Variants in CEP44 observed in about 807,000 individuals in gnomAD.
CEP44 encodes centrosomal protein 44.
In CEP44, 45 loss-of-function variants were observed where a neutral mutation model predicts 46.7. The ratio of observed to expected loss-of-function variants is 0.96; its 90% CI spans 0.76 to 1.24. CEP44 has a LOEUF of 1.24. Among genes scored for constraint, CEP44 ranks in the 50% most tolerant of loss-of-function variants. CEP44 has a pLI of 0.00. For synonymous variants in CEP44, 142 were observed against 146.0 expected (o/e 0.97, Z 0.20); for missense variants, 475 against 459.7 (o/e 1.03, Z -0.30).
At chr4:174,321,829 C>CT (rs1326703756), downstream of CEP44, among the ~76,000 whole-genome samples, 2 of 152,080 alleles carry the variant, frequency 1.3e-5, no homozygotes, top group Admixed American at 1.3e-4. Context: ...AAAAAAGCAT[C>CT]TTAAGTTTAA....
chr4:174,319,807 T>G lies in CEP44; in HGVS notation c.*2424T>G. ...CTAGACAACATAATTTTTGGAAAAA[T>G]AAAGCAAATTCAACTTTATTGGAGT... On this transcript the variant is annotated 3_prime_UTR_variant, in exon 12 of 12. Transcript: ENST00000503780. 1.0e-6 allele frequency: 1 copy of G among 978,776 alleles called. No individual in the cohort carries two copies. Among genetic ancestry groups the G allele is most frequent in the Non-Finnish European group, 1.2e-6 (1 of 823,830 alleles). 60.6% of individuals were successfully genotyped at this position (978,776 alleles called of 1,614,324 possible). A position where few individuals can be genotyped will look rare whatever the true frequency, so the allele number is the denominator to read the frequency against.
intron 8 of CEP44, among the ~76,000 whole-genome samples, chr4:174,330,488 CAAA>C (rs199858781): frequency 1.3e-5 from 1 of 75,050 alleles, no homozygotes. Context: ...GACTTCGTCT[CAAA>C]AAAAAAAAAA....
In CEP44 at chr4:174,304,169, T is replaced by C; in HGVS notation, c.385-78T>C. On this transcript the variant is annotated intron_variant, in intron 5 of 11. Coordinates refer to ENST00000503780, the MANE Select transcript of CEP44 (RefSeq NM_001040157.3). ...CAGCTATATTTCATATATGAAAATT[T>C]AAATGTTAATGGAATTTTAATATAT... is the stretch of plus-strand genomic sequence containing the variant. The C allele has an allele frequency of 2.1e-6, 3 of 1,432,374 alleles. 1 individual carries two copies. In the South Asian group the frequency reaches 4.3e-5, roughly 20 times the overall value. 88.7% of individuals were successfully genotyped at this position (1,432,374 alleles called of 1,614,324 possible).
intron 6 of CEP44, 70 bp downstream of exon 6, chr4:174,304,439 T>TG (rs1740147958): frequency 6.5e-7 from 1 of 1,549,968 alleles, no homozygotes; most frequent in South Asian, 1.3e-5. Flanking sequence ...CAGTTTTCAC[T>TG]TTTCTGATTG....
At chr4:174,295,344 A>T (rs550110354) in intron 1 of CEP44, among the ~76,000 whole-genome samples, 2 of 142,844 alleles carry the variant, frequency 1.4e-5, no homozygotes, top group Non-Finnish European at 3.1e-5. Context: ...CTCACATCCC[A>T]GACGGGGCGG....
At position 174,314,112 on chromosome 4, in the gene CEP44, TAGA is replaced by T. The variant is rs1052609908; in HGVS notation, c.962-2050_962-2048del. Among the ~76,000 whole-genome samples the T allele has an allele frequency of 9.2e-5, 14 of 152,120 alleles. No homozygotes were observed. The highest frequency in any genetic ancestry group is 3.4e-4 in the African/African-American group (14 of 41,436). ...TAGTTGTTACGTGGTAAGAGTTGGG[TAGA>T]AGATTTCATGTCCCATACCCCCATA... On this transcript the variant is annotated intron_variant, in intron 9 of 11. Coordinates refer to ENST00000503780, the MANE Select transcript of CEP44 (RefSeq NM_001040157.3). This position sits in a 1 kb window ranked among gnomAD's most constrained non-coding sequence, Gnocchi z 4.1.
chr4:174,327,548 T>G (rs1742761922), intron 8 of CEP44, among the ~76,000 whole-genome samples: 1 of 152,110 alleles, frequency 6.6e-6, no homozygotes, highest in Non-Finnish European at 1.5e-5. Context: ...AATTATTTCC[T>G]AATTGTAGCA....
At chr4:174,299,665 A>C (rs1233499563) in intron 3 of CEP44, among the ~76,000 whole-genome samples, 1 of 152,052 alleles carries the variant, frequency 6.6e-6, no homozygotes. Flanking sequence ...ATTTAAGTCG[A>C]GTGTTCTTTT....
At chr4:174,299,327 C>A in intron 3 of CEP44, 117 bp downstream of exon 3, 1 of 688,544 alleles carries the variant, frequency 1.5e-6, no homozygotes, top group Non-Finnish European at 2.3e-6. Context: ...TTAAATCTGC[C>A]TTGAAATGAT....
At chr4:174,289,295 C>CTTTT in intron 1 of CEP44, among the ~76,000 whole-genome samples, 1 of 128,782 alleles carries the variant, frequency 7.8e-6, no homozygotes, top group Non-Finnish European at 1.7e-5. Flanking sequence ...GTTCCCTCTT[C>CTTTT]TTTTTTTTTT....
rs897499543 is a variant in CEP44 at position 174,297,676 on chromosome 4, G to A, written c.-147-290G>A. 6.6e-6 allele frequency among the ~76,000 whole-genome samples: 1 copy of A among 151,208 alleles called. No homozygotes were observed. The highest frequency in any genetic ancestry group is 1.5e-5 in the Non-Finnish European group (1 of 67,818). On this transcript the variant is annotated intron_variant, in intron 1 of 11. Coordinates refer to ENST00000503780, the MANE Select transcript of CEP44 (RefSeq NM_001040157.3). This position sits in a 1 kb window ranked among gnomAD's most constrained non-coding sequence, Gnocchi z 4.3. ...AGTGTGTGTGTGTGTGTGTGTGTGT[G>A]TGTGTGTGTTTTCATTAATACTTCT...
chr4:174,285,484 A>G (rs1377737902), intron 1 of CEP44: 1 of 152,158 alleles, frequency 6.6e-6, no homozygotes, highest in Non-Finnish European at 1.5e-5. Context: ...CTGAAGAGAG[A>G]CATAACTTTG....
At chr4:174,300,518 C>A (rs1180686670) in intron 3 of CEP44, among the ~76,000 whole-genome samples, 1 of 152,022 alleles carries the variant, frequency 6.6e-6, no homozygotes, top group African/African-American at 2.4e-5. Context: ...CCAGTATTAT[C>A]TTGTTTTCTA....
In CEP44 at chr4:174,318,468, G is replaced by A. The variant is rs1216631458; in HGVS notation, c.*1085G>A. On this transcript the variant is annotated 3_prime_UTR_variant, in exon 12 of 12. Coordinates refer to ENST00000503780, the MANE Select transcript of CEP44 (RefSeq NM_001040157.3). ...TTGGAGAGAAAAGTCTTAGCTGAAGGTAAATCAATGGAAAAATGAAATTTA... is the reference window on the plus strand; with the variant it reads ...TTGGAGAGAAAAGTCTTAGCTGAAGATAAATCAATGGAAAAATGAAATTTA... 1.0e-6 allele frequency: 1 copy of A among 963,112 alleles called. No homozygotes were observed. Among genetic ancestry groups the A allele is most frequent in the East Asian group, 1.1e-4 (1 of 8,722 alleles). The allele number at this position is 963,112 out of a possible 1,614,324, so 59.7% of individuals were successfully genotyped here.
downstream of CEP44, among the ~76,000 whole-genome samples, chr4:174,324,807 A>G (rs184929534): frequency 1.3e-5 from 2 of 152,230 alleles, no homozygotes; most frequent in Admixed American, 6.5e-5. Flanking sequence ...GAAACCAATC[A>G]TATATTCCTG....
At chr4:174,284,182 C>T (rs2126463404) in intron 1 of CEP44, 1 of 397,732 alleles carries the variant, frequency 2.5e-6, no homozygotes, top group Non-Finnish European at 4.4e-6. Context: ...TGGTATTGGG[C>T]GGAGGTCGCC....
At chr4:174,296,763 A>AT (rs202212472) in intron 1 of CEP44, among the ~76,000 whole-genome samples, 32,728 of 90,356 alleles carry the variant, frequency 0.36, 7,826 homozygotes, top group African/African-American at 0.56. Context: ...GTCCTTACTG[A>AT]TTTTTTTTTT....
In CEP44 at chr4:174,325,747, T is replaced by G. The variant is rs989850284; in HGVS notation, c.1087-5735T>G. On this transcript the variant is annotated intron_variant, in intron 8 of 8. Coordinates refer to the CEP44 transcript ENST00000426172. The surrounding 1 kb of genome is among the most constrained non-coding windows in gnomAD (Gnocchi z 4.4). ...TATTTTTTCTTTCAGTTCTATCATG[T>G]ATTTTTAAACCTGTTTTTAAATGCA... is the stretch of plus-strand genomic sequence containing the variant. Among the ~76,000 whole-genome samples, 3 of 152,214 alleles carry G rather than the reference T, an allele frequency of 2.0e-5. No individual in the cohort carries two copies. Among genetic ancestry groups the G allele is most frequent in the African/African-American group, 7.2e-5 (3 of 41,460 alleles).
In CEP44 at chr4:174,297,585, T is replaced by C. The variant is rs1277301423; in HGVS notation, c.-147-381T>C. On this transcript the variant is annotated intron_variant, in intron 1 of 11. Coordinates refer to ENST00000503780, the MANE Select transcript of CEP44 (RefSeq NM_001040157.3). The surrounding 1 kb of genome is among the most constrained non-coding windows in gnomAD (Gnocchi z 4.3). ...CCTTCTCTAGCATAGAACCTGATAG[T>C]CTGCTGTCACAGAGGATGTAAGTCT... 6.6e-6 allele frequency among the ~76,000 whole-genome samples: 1 copy of C among 152,136 alleles called. No homozygotes were observed. Among genetic ancestry groups the C allele is most frequent in the Non-Finnish European group, 1.5e-5 (1 of 68,010 alleles).
Sources: allele counts gnomAD v4.1 joint callset (sites outside exome capture counted in the v4.1 genomes callset), GRCh38; gene constraint gnomAD v4.1.1; non-coding constraint Gnocchi (gnomAD v3.1); transcripts MANE v1.5; gene names NCBI Gene and HGNC (gene_info 2026-07-23, HGNC 2026-07-21).